TACC2: variants seen among roughly 807,000 people sequenced by gnomAD.
TACC2 encodes transforming acidic coiled-coil containing protein 2, also known as transforming acidic coiled-coil-containing protein 2.
TACC2 carries 137 observed loss-of-function variants against 227.3 expected under a neutral mutation model. The ratio of observed to expected loss-of-function variants is 0.60; its 90% confidence interval spans 0.52 to 0.69. The LOEUF (loss-of-function observed/expected upper bound fraction) is 0.69. Ranked by LOEUF, TACC2 falls within the 30% of genes least tolerant of loss-of-function variation. The pLI, the probability that TACC2 is intolerant of heterozygous loss-of-function variation, is 0.00. For missense variants in TACC2, 3,470 were observed against 3,694.4 expected, an observed-to-expected ratio of 0.94 and a Z score of 1.57; for synonymous variants, 1,523 against 1,487.5, an observed-to-expected ratio of 1.02 and a Z score of -0.55.
chr10:122,081,798 A>G (rs1448799819), intron 3 of TACC2, among the ~76,000 whole-genome samples: 3 of 152,322 alleles, frequency 2.0e-5, no homozygotes, highest in Admixed American at 6.5e-5. Context: ...CGGAAATTCC[A>G]TAGCCAAATA....
At chr10:122,167,087 C>T (rs888007864) in intron 7 of TACC2, among the ~76,000 whole-genome samples, 5 of 152,186 alleles carry the variant, frequency 3.3e-5, no homozygotes, top group African/African-American at 1.2e-4. Flanking sequence ...CAGCTTCCAC[C>T]AAATCCCCAC....
intron 3 of TACC2, among the ~76,000 whole-genome samples, chr10:122,061,285 C>CAAAAAAA (rs58324245): frequency 1.1e-5 from 1 of 87,102 alleles, no homozygotes; most frequent in Non-Finnish European, 2.1e-5. Context: ...CACTCCGTCT[C>CAAAAAAA]AAAAAAAAAA....
intron 7 of TACC2, among the ~76,000 whole-genome samples, chr10:122,183,934 T>C (rs1360100335): frequency 5.9e-5 from 9 of 152,200 alleles, no homozygotes; most frequent in Admixed American, 5.2e-4. Context: ...GGAGCTTATC[T>C]GTCTGGTTCA....
At chr10:122,008,264 A>ATTATTTTTTT in intron 1 of TACC2, among the ~76,000 whole-genome samples, 10 of 134,654 alleles carry the variant, frequency 7.4e-5, no homozygotes, top group African/African-American at 2.0e-4. Flanking sequence ...TATTATTATT[A>ATTATTTTTTT]TTTTTTTTTT....
At chr10:122,246,812 G>A (rs1564853106) in intron 19 of TACC2, 1 of 152,298 alleles carries the variant, frequency 6.6e-6, no homozygotes, top group African/African-American at 2.4e-5. Context: ...CACCAGCATA[G>A]GCACGCACGC....
chr10:121,997,326 CTT>C (rs1223682497), intron 1 of TACC2, among the ~76,000 whole-genome samples: 45 of 152,126 alleles, frequency 3.0e-4, no homozygotes, highest in Non-Finnish European at 2.2e-4. Flanking sequence ...CTGCTGGGAT[CTT>C]ACCCCGCCTC....
intron 8 of TACC2, among the ~76,000 whole-genome samples, chr10:122,199,628 C>T (rs1332386972): frequency 6.6e-6 from 1 of 152,200 alleles, no homozygotes; most frequent in Non-Finnish European, 1.5e-5. Context: ...CAGGTGCTTA[C>T]AGACTCTCCC....
At chr10:122,067,651 C>T (rs1474456759) in intron 3 of TACC2, among the ~76,000 whole-genome samples, 1 of 152,000 alleles carries the variant, frequency 6.6e-6, no homozygotes, top group Non-Finnish European at 1.5e-5. Flanking sequence ...GAATTATAGG[C>T]GTATGCCACC....
chr10:122,203,703 A>G (rs1257146483), intron 8 of TACC2, among the ~76,000 whole-genome samples: 1 of 149,714 alleles, frequency 6.7e-6, no homozygotes, highest in Non-Finnish European at 1.5e-5. Flanking sequence ...GGCTCCTCAC[A>G]TCCCAGTCGA....
intron 7 of TACC2, among the ~76,000 whole-genome samples, chr10:122,193,491 T>C (rs2094474255): frequency 6.6e-6 from 1 of 152,224 alleles, no homozygotes; most frequent in Admixed American, 6.5e-5. Context: ...AACGTGAGCA[T>C]CTCTCAGCAT....
At chr10:122,051,628 G>A (rs368034693) in intron 3 of TACC2, 4 of 152,168 alleles carry the variant, frequency 2.6e-5, no homozygotes, top group East Asian at 3.9e-4. Flanking sequence ...TATCATGACA[G>A]GCCTTAAGGG....
At chr10:122,213,323 C>CT in intron 9 of TACC2, 1 of 1,610,234 alleles carries the variant, frequency 6.2e-7, no homozygotes, top group Non-Finnish European at 8.5e-7. Context: ...CTCTCTTTTT[C>CT]TTTGTCTTCT....
intron 7 of TACC2, among the ~76,000 whole-genome samples, chr10:122,185,329 G>A (rs1256535245): frequency 6.6e-6 from 1 of 152,014 alleles, no homozygotes; most frequent in African/African-American, 2.4e-5. Flanking sequence ...CTGAGTAGCT[G>A]GGATTACAGG....
chr10:122,129,030 A>T (rs1006237239), intron 5 of TACC2, among the ~76,000 whole-genome samples: 1 of 149,906 alleles, frequency 6.7e-6, no homozygotes, highest in Non-Finnish European at 1.5e-5. Flanking sequence ...ACATGTTTGC[A>T]TCTAGATACA....
rs527546145 is a variant in TACC2, at chr10:122,113,625, C to T, written c.5574-18984C>T. ...GTCCCGCCCTTGGGGGCCTCCGCGC[C>T]TTCCCACCGGGCTCTTTCCCAGCTC... On this transcript the variant is annotated intron_variant, in intron 5 of 22. Coordinates refer to ENST00000369005, the MANE Select transcript of TACC2 (RefSeq NM_206862.4). Among the ~76,000 whole-genome samples, 306 of 152,196 alleles carry T rather than the reference C, an allele frequency of 2.0e-3. 2 individuals are homozygous for T. Among genetic ancestry groups the T allele is most frequent in the Non-Finnish European group, 3.7e-3 (253 of 67,984 alleles).
At chr10:122,035,363 T>C (rs1261618554) in intron 2 of TACC2, among the ~76,000 whole-genome samples, 1 of 152,172 alleles carries the variant, frequency 6.6e-6, no homozygotes, top group African/African-American at 2.4e-5. Flanking sequence ...TTACAGCCAA[T>C]TGAGGAGTCA....
In TACC2 at chr10:122,086,728, G is replaced by A; in HGVS notation, c.4228G>A (p.Glu1410Lys). The A allele has an allele frequency of 6.2e-7, 1 of 1,613,946 alleles. No homozygotes were observed. Among genetic ancestry groups the A allele is most frequent in the Non-Finnish European group, 8.5e-7 (1 of 1,179,988 alleles). Residue 1410 changes from glutamate (E) to lysine (K), a missense_variant, in exon 4 of 23, where the codon GAG becomes AAG. By Grantham distance (56) the Glu-to-Lys change is moderately conservative. Around this residue, in one of 10 missense-constraint regions of TACC2, gnomAD observed 1,924 missense variants for 1,978.3 expected, o/e 0.97. Coordinates refer to ENST00000369005, the MANE Select transcript of TACC2 (RefSeq NM_206862.4). Reference protein sequence around the residue: ...ATLTGFPDFREHIAKIFEKPV... With the variant: ...ATLTGFPDFRKHIAKIFEKPV... ...CCTCACTGGCTTCCCAGACTTCAGGGAGCACATCGCCAAGATCTTCGAGAA... is the reference window on the plus strand; with the variant it reads ...CCTCACTGGCTTCCCAGACTTCAGGAAGCACATCGCCAAGATCTTCGAGAA...
intron 5 of TACC2, among the ~76,000 whole-genome samples, chr10:122,095,811 G>T (rs577335363): frequency 1.1e-4 from 16 of 152,324 alleles, no homozygotes; most frequent in African/African-American, 3.6e-4. Flanking sequence ...GTCGCTGCTG[G>T]CCACAGGCTG....
intron 3 of TACC2, among the ~76,000 whole-genome samples, chr10:122,081,252 G>T (rs558266838): frequency 6.6e-6 from 1 of 151,964 alleles, no homozygotes; most frequent in South Asian, 2.1e-4. Flanking sequence ...AGGCGTGGTG[G>T]CTCACGCCTG....
Sources: allele counts gnomAD v4.1 joint callset (sites outside exome capture counted in the v4.1 genomes callset), GRCh38; gene constraint gnomAD v4.1.1; regional missense constraint gnomAD v4.1.1; transcripts MANE v1.5; gene names NCBI Gene and HGNC (gene_info 2026-07-23, HGNC 2026-07-21).